Variants in PAPPA2 observed in about 807,000 individuals in gnomAD.
PAPPA2 encodes pappalysin-2.
In PAPPA2, 86 loss-of-function variants were observed where a neutral mutation model predicts 176.4. That is an observed-to-expected ratio of 0.49 (90% CI 0.41 to 0.58). PAPPA2 has a LOEUF of 0.58. Among genes scored for constraint, PAPPA2 ranks in the 20% least tolerant of loss-of-function variants. The probability of loss-of-function intolerance (pLI) is 0.00; values close to 1 mark genes in which losing one functional copy is unlikely to be tolerated. For synonymous variants in PAPPA2, 809 were observed against 852.2 expected (o/e 0.95, Z 0.88); for missense variants, 2,073 against 2,256.9 (o/e 0.92, Z 1.65).
At chr1:176,820,884 C>T (rs745887147) in intron 21 of PAPPA2, among the ~76,000 whole-genome samples, 6 of 152,156 alleles carry the variant, frequency 3.9e-5, no homozygotes, top group South Asian at 2.1e-4. Context: ...CAGGAATGTA[C>T]GATACTTCAT....
intron 12 of PAPPA2, among the ~76,000 whole-genome samples, chr1:176,730,506 A>T (rs1662088645): frequency 6.6e-6 from 1 of 151,276 alleles, no homozygotes; most frequent in South Asian, 2.1e-4. Flanking sequence ...TTTCTTGATT[A>T]CGCATGCATG....
intron 12 of PAPPA2, among the ~76,000 whole-genome samples, chr1:176,737,412 A>G (rs537403551): frequency 6.6e-6 from 1 of 152,218 alleles, no homozygotes; most frequent in African/African-American, 2.4e-5. Context: ...TTGAAGATCC[A>G]GCAGTTGTAT....
chr1:176,531,120 A>G (rs1649783748), intron 1 of PAPPA2, among the ~76,000 whole-genome samples: 1 of 152,198 alleles, frequency 6.6e-6, no homozygotes, highest in African/African-American at 2.4e-5. Context: ...TTGCCAAGCA[A>G]ATATGGAGCT....
chr1:176,654,070 G>A (rs1250098504), intron 3 of PAPPA2, among the ~76,000 whole-genome samples: 1 of 151,418 alleles, frequency 6.6e-6, no homozygotes, highest in Non-Finnish European at 1.5e-5. Context: ...TCTCATATTT[G>A]TCTATTTTTG....
chr1:176,545,159 T>C (rs980383286), intron 1 of PAPPA2, among the ~76,000 whole-genome samples: 1 of 152,268 alleles, frequency 6.6e-6, no homozygotes, highest in Admixed American at 6.5e-5. Context: ...TCTAACCATA[T>C]GGCTGGTTTC....
chr1:176,595,611 T>C lies in PAPPA2; in HGVS notation c.1991+16T>C, dbSNP rs767731639. ...CACCCAAGAGGTAAGGGACTGGGATTTGGGGTGTCCTACTTGTAGGATGCA... is the reference window on the plus strand; with the variant it reads ...CACCCAAGAGGTAAGGGACTGGGATCTGGGGTGTCCTACTTGTAGGATGCA... On this transcript the variant is annotated intron_variant, in intron 3 of 22. Transcript: ENST00000367662. 6 of 1,593,456 alleles carry C rather than the reference T, an allele frequency of 3.8e-6. No individual in the cohort carries two copies. The highest frequency in any genetic ancestry group is 5.1e-6 in the Non-Finnish European group (6 of 1,167,804).
chr1:176,687,987 A>C (rs1042845386), intron 4 of PAPPA2, among the ~76,000 whole-genome samples: 1 of 152,196 alleles, frequency 6.6e-6, no homozygotes, highest in African/African-American at 2.4e-5. Context: ...AAGCATATTT[A>C]ACCACAGATG....
intron 14 of PAPPA2, among the ~76,000 whole-genome samples, chr1:176,748,562 C>A (rs569207257): frequency 1.5e-4 from 23 of 152,148 alleles, no homozygotes; most frequent in South Asian, 2.1e-4. Context: ...TTTATAATAT[C>A]ATCAAAATGA....
Position 176,722,419 on chromosome 1 carries a change from CTTT to C in PAPPA2, c.3798+10456_3798+10458del, listed in dbSNP as rs34221424. Among the ~76,000 whole-genome samples the C allele has an allele frequency of 3.6e-3, 443 of 124,034 alleles. 1 individual carries two copies. Among genetic ancestry groups the C allele is most frequent in the African/African-American group, 0.012 (379 of 31,808 alleles). The allele number at this position is 124,034 out of a possible 152,430, so 81.4% of individuals were successfully genotyped here. ...TGCTTTGTGAGCCTTTATACATTTC[CTTT>C]TTTTTTTTTTTTTTTTTAGTTTTTT... On this transcript the variant is annotated intron_variant, in intron 12 of 22. Transcript: ENST00000367662.
intron 1 of PAPPA2, among the ~76,000 whole-genome samples, chr1:176,496,990 T>C (rs558896342): frequency 1.3e-5 from 2 of 152,102 alleles, no homozygotes; most frequent in Non-Finnish European, 2.9e-5. Context: ...CTTTTTTTTT[T>C]AACTAGACAG....
At chr1:176,734,977 C>T (rs536940041) in intron 12 of PAPPA2, among the ~76,000 whole-genome samples, 20 of 152,134 alleles carry the variant, frequency 1.3e-4, no homozygotes, top group Non-Finnish European at 2.6e-4. Context: ...TCTATGATTT[C>T]CTGCTTACCC....
intron 14 of PAPPA2, among the ~76,000 whole-genome samples, chr1:176,754,226 A>G (rs932035783): frequency 6.6e-6 from 1 of 152,176 alleles, no homozygotes; most frequent in Non-Finnish European, 1.5e-5. Context: ...AGCTAGGAAC[A>G]GGTGAAACCA....
At chr1:176,814,907 G>T (rs1358167692) in intron 21 of PAPPA2, among the ~76,000 whole-genome samples, 1 of 152,128 alleles carries the variant, frequency 6.6e-6, no homozygotes, top group African/African-American at 2.4e-5. Context: ...GCAGTATGAT[G>T]TTGGCTGTGG....
chr1:176,605,566 G>T (rs1260116922), intron 3 of PAPPA2, among the ~76,000 whole-genome samples: 1 of 152,134 alleles, frequency 6.6e-6, no homozygotes, highest in Non-Finnish European at 1.5e-5. Flanking sequence ...GCTTGCTCTG[G>T]CTCCTAATTT....
intron 2 of PAPPA2, among the ~76,000 whole-genome samples, chr1:176,559,710 T>C (rs1195116990): frequency 6.6e-6 from 1 of 152,204 alleles, no homozygotes; most frequent in East Asian, 1.9e-4. Flanking sequence ...AGAATGACAA[T>C]AGAATCATGT....
chr1:176,797,799 A>G (rs1026316458), intron 20 of PAPPA2, among the ~76,000 whole-genome samples: 2 of 152,190 alleles, frequency 1.3e-5, no homozygotes, highest in African/African-American at 4.8e-5. Flanking sequence ...TGAGTCTTGA[A>G]AAACATTTGA....
intron 3 of PAPPA2, among the ~76,000 whole-genome samples, chr1:176,634,102 C>A (rs940662042): frequency 1.3e-5 from 2 of 152,110 alleles, no homozygotes; most frequent in Non-Finnish European, 2.9e-5. Flanking sequence ...GGTATATACC[C>A]AAAGGGATAT....
chr1:176,538,601 C>T (rs903966391), intron 1 of PAPPA2, among the ~76,000 whole-genome samples: 1 of 151,600 alleles, frequency 6.6e-6, no homozygotes, highest in African/African-American at 2.4e-5. Context: ...AACGTATAAC[C>T]TTTCTCCGTT....
chr1:176,464,857 A>G (rs1651541411), intron 1 of PAPPA2, among the ~76,000 whole-genome samples: 1 of 152,258 alleles, frequency 6.6e-6, no homozygotes, highest in Non-Finnish European at 1.5e-5. Flanking sequence ...TTTGAAGAAG[A>G]AACTATAAAA....
Sources: gnomAD v4.1 joint callset for allele counts (sites outside exome capture counted in the v4.1 genomes callset) on GRCh38, gnomAD v4.1.1 for gene constraint, MANE v1.5 for transcripts, NCBI Gene and HGNC (gene_info 2026-07-23, HGNC 2026-07-21) for gene names.